NDUFS4: variants seen among roughly 807,000 people sequenced by gnomAD.
The protein encoded by NDUFS4 is NADH dehydrogenase [ubiquinone] iron-sulfur protein 4, mitochondrial.
NDUFS4 carries 28 observed loss-of-function variants against 24.3 expected under a neutral mutation model. The ratio of observed to expected loss-of-function variants is 1.15; its 90% CI spans 0.85 to 1.58. The LOEUF (loss-of-function observed/expected upper bound fraction) is 1.58, where lower values mean the gene tolerates loss of function less well. Among genes scored for constraint, NDUFS4 ranks in the 40% most tolerant of loss-of-function variants. NDUFS4 has a pLI of 0.00. For missense variants in NDUFS4, 223 were observed against 207.9 expected, an observed-to-expected ratio of 1.07 and a Z score of -0.45; for synonymous variants, 93 against 69.7, an observed-to-expected ratio of 1.34 and a Z score of -1.67.
intron 3 of NDUFS4, among the ~76,000 whole-genome samples, chr5:53,651,507 A>G (rs1328438652): frequency 5.3e-5 from 8 of 151,804 alleles, no homozygotes; most frequent in Non-Finnish European, 1.0e-4. Context: ...TATATAAAAT[A>G]CTAATATGTA....
chr5:53,586,812 C>T (rs1004320686), intron 1 of NDUFS4, among the ~76,000 whole-genome samples: 21 of 151,516 alleles, frequency 1.4e-4, no homozygotes, highest in Non-Finnish European at 2.8e-4. Context: ...CGTGAGCCAC[C>T]GTGCCCAGCC....
chr5:53,594,644 T>C (rs1321095125), intron 1 of NDUFS4, among the ~76,000 whole-genome samples: 2 of 152,124 alleles, frequency 1.3e-5, no homozygotes, highest in South Asian at 2.1e-4. Context: ...ATCCTACAGA[T>C]TAGTCTTTTA....
chr5:53,610,587 A>G (rs1408525889), intron 2 of NDUFS4, among the ~76,000 whole-genome samples: 1 of 152,220 alleles, frequency 6.6e-6, no homozygotes, highest in Admixed American at 6.5e-5. Flanking sequence ...GAAGCACAGT[A>G]AAGCAAAGTT....
chr5:53,604,317 G>A (rs1750430056), intron 2 of NDUFS4, among the ~76,000 whole-genome samples: 2 of 152,108 alleles, frequency 1.3e-5, no homozygotes, highest in Admixed American at 6.5e-5. Flanking sequence ...GAGCCTGTAA[G>A]CCCAATCTAA....
intron 1 of NDUFS4, among the ~76,000 whole-genome samples, chr5:53,602,596 A>G (rs532348194): frequency 6.6e-6 from 1 of 152,332 alleles, no homozygotes; most frequent in East Asian, 1.9e-4. Context: ...ATGTTGCATT[A>G]AAACTATGGT....
chr5:53,571,649 T>G (rs1749211845), intron 1 of NDUFS4, among the ~76,000 whole-genome samples: 1 of 152,234 alleles, frequency 6.6e-6, no homozygotes, highest in Non-Finnish European at 1.5e-5. Context: ...CCACCAGCAG[T>G]GAATGAGGGT....
intron 1 of NDUFS4, among the ~76,000 whole-genome samples, chr5:53,569,043 T>C (rs761382316): frequency 6.6e-6 from 1 of 152,204 alleles, no homozygotes; most frequent in Non-Finnish European, 1.5e-5. Context: ...CAGCAAGCCA[T>C]ATGCTTCTCC....
At chr5:53,585,117 T>C (rs1002213166) in intron 1 of NDUFS4, among the ~76,000 whole-genome samples, 5 of 152,180 alleles carry the variant, frequency 3.3e-5, no homozygotes, top group African/African-American at 1.2e-4. Flanking sequence ...TTATGGGATA[T>C]TATGAAAAGT....
chr5:53,595,390 C>T (rs553979694), intron 1 of NDUFS4, among the ~76,000 whole-genome samples: 2 of 152,086 alleles, frequency 1.3e-5, no homozygotes, highest in South Asian at 4.1e-4. Context: ...GATAGCAACA[C>T]AGTTTCTTCC....
At chr5:53,632,191 A>G (rs906195191) in intron 2 of NDUFS4, among the ~76,000 whole-genome samples, 4 of 152,190 alleles carry the variant, frequency 2.6e-5, no homozygotes, top group Non-Finnish European at 5.9e-5. Flanking sequence ...ATGATTTTTA[A>G]GTGTGTAATT....
chr5:53,670,321 A>G (rs568207663), intron 4 of NDUFS4, among the ~76,000 whole-genome samples: 2 of 152,160 alleles, frequency 1.3e-5, no homozygotes, highest in East Asian at 3.9e-4. Context: ...GATCTACACT[A>G]TCCAATATGG....
At chr5:53,629,256 A>G (rs964165464) in intron 2 of NDUFS4, among the ~76,000 whole-genome samples, 2 of 152,024 alleles carry the variant, frequency 1.3e-5, no homozygotes, top group Non-Finnish European at 2.9e-5. Flanking sequence ...GTTTCTTGTG[A>G]TTTCTGTTCT....
chr5:53,563,700 C>T (rs1404493517), intron 1 of NDUFS4, among the ~76,000 whole-genome samples: 2 of 152,082 alleles, frequency 1.3e-5, no homozygotes, highest in Non-Finnish European at 2.9e-5. Context: ...TGGAGTTTCA[C>T]CGTGTTAGCC....
At position 53,644,789 on chromosome 5, in the gene NDUFS4, A is replaced by G. The variant is rs1461228661; in HGVS notation, c.178-1444A>G. On this transcript the variant is annotated intron_variant, in intron 2 of 4. Coordinates refer to ENST00000296684, the MANE Select transcript of NDUFS4 (RefSeq NM_002495.4). ...TGGATAATTTTGATAGTTTCTGTAA[A>G]CAAGCTGTGACAAAGTAGCCACACC... 2.6e-5 allele frequency among the ~76,000 whole-genome samples: 4 copies of G among 152,144 alleles called. 1 individual carries two copies. Among genetic ancestry groups the G allele is most frequent in the Non-Finnish European group, 4.4e-5 (3 of 67,994 alleles).
rs1473804274 is a variant in NDUFS4, at chr5:53,591,465, G to GC, written c.99-11987_99-11986insC. Among the ~76,000 whole-genome samples, 3 of 135,752 alleles carry GC rather than the reference G, an allele frequency of 2.2e-5. 1 individual carries two copies. Among genetic ancestry groups the GC allele is most frequent in the Admixed American group, 7.3e-5 (1 of 13,682 alleles). The allele number at this position is 135,752 out of a possible 152,430, so 89.1% of individuals were successfully genotyped here. On this transcript the variant is annotated intron_variant, in intron 1 of 4. Transcript: ENST00000296684. The stretch of plus-strand genomic sequence containing the variant: ...CTACTTTTTGTTTGTTTTTTTTGGG[G>GC]GGGGGGGGTGATAATAACTATCGTA...
At chr5:53,620,234 A>T (rs1750990180) in intron 2 of NDUFS4, among the ~76,000 whole-genome samples, 1 of 152,122 alleles carries the variant, frequency 6.6e-6, no homozygotes, top group Non-Finnish European at 1.5e-5. Flanking sequence ...ATATGGCTTT[A>T]TTTTTAATAT....
At chr5:53,644,485 T>G (rs929113510) in intron 2 of NDUFS4, among the ~76,000 whole-genome samples, 2 of 152,134 alleles carry the variant, frequency 1.3e-5, no homozygotes, top group African/African-American at 4.8e-5. Context: ...TACAGTGAAT[T>G]CAAAGGAGGA....
intron 4 of NDUFS4, among the ~76,000 whole-genome samples, chr5:53,681,686 G>GT (rs1300327409): frequency 6.6e-6 from 1 of 152,010 alleles, no homozygotes; most frequent in African/African-American, 2.4e-5. Context: ...GGATTCTGAT[G>GT]TTTCATTTGC....
intron 1 of NDUFS4, among the ~76,000 whole-genome samples, chr5:53,592,580 A>G (rs928261301): frequency 6.6e-6 from 1 of 152,160 alleles, no homozygotes; most frequent in African/African-American, 2.4e-5. Context: ...GAAAGGTGTA[A>G]TGTCACTGTG....
Sources: gnomAD v4.1 joint callset for allele counts (sites outside exome capture counted in the v4.1 genomes callset) on GRCh38, gnomAD v4.1.1 for gene constraint, MANE v1.5 for transcripts, NCBI Gene and HGNC (gene_info 2026-07-23, HGNC 2026-07-21) for gene names.